The following STIM1 variants were observed in gnomAD, a reference collection of about 807,000 sequenced individuals.
The protein encoded by STIM1 is stromal interaction molecule 1.
Under a neutral mutation model 74.7 loss-of-function variants are expected in STIM1, and 25 were observed. That is an observed-to-expected ratio of 0.33 (90% CI 0.24 to 0.47). STIM1 has a LOEUF of 0.47. Ranked by LOEUF, STIM1 falls within the 20% of genes least tolerant of loss-of-function variation. The pLI is 1.00. For missense variants in STIM1, 728 were observed against 920.8 expected, an observed-to-expected ratio of 0.79 and a Z score of 2.71; for synonymous variants, 328 against 348.8, an observed-to-expected ratio of 0.94 and a Z score of 0.66.
intron 2 of STIM1, among the ~76,000 whole-genome samples, chr11:3,990,684 C>T (rs1350270111): frequency 6.6e-6 from 1 of 152,178 alleles, no homozygotes; most frequent in Non-Finnish European, 1.5e-5. Context: ...TTTTGATTTA[C>T]ATTTCTCTGA....
intron 2 of STIM1, among the ~76,000 whole-genome samples, chr11:4,008,441 T>C (rs993348229): frequency 6.6e-6 from 1 of 152,212 alleles, no homozygotes; most frequent in African/African-American, 2.4e-5. Flanking sequence ...GGCATATTTC[T>C]GGTCACAAAA....
At chr11:3,985,298 G>T (rs2093548052) in intron 2 of STIM1, among the ~76,000 whole-genome samples, 1 of 152,158 alleles carries the variant, frequency 6.6e-6, no homozygotes, top group South Asian at 2.1e-4. Context: ...TGTTTGTATA[G>T]ATGTCTATAT....
chr11:3,867,842 TGGCAGGCAGGCA>T lies in STIM1; in HGVS notation c.139+11450_139+11461del, dbSNP rs989812350. ...CCTAGGTAATGACCAGAAATCTCACTGGCAGGCAGGCAGGCAGGCAGGCAGGCAAGCAGGCAG... is the reference window on the plus strand; with the variant it reads ...CCTAGGTAATGACCAGAAATCTCACTGGCAGGCAGGCAGGCAAGCAGGCAG... On this transcript the variant is annotated intron_variant, in intron 1 of 12. Coordinates refer to ENST00000526596, the MANE Select transcript of STIM1 (RefSeq NM_001382567.1). 3.8e-5 allele frequency among the ~76,000 whole-genome samples: 5 copies of T among 130,872 alleles called. No individual in the cohort carries two copies. In the East Asian group the frequency reaches 6.3e-4, roughly 17 times the overall value. The allele number at this position is 130,872 out of a possible 152,430, so 85.9% of individuals were successfully genotyped here.
At chr11:3,988,952 C>CA (rs1389411288) in intron 2 of STIM1, among the ~76,000 whole-genome samples, 3 of 152,052 alleles carry the variant, frequency 2.0e-5, no homozygotes, top group Non-Finnish European at 4.4e-5. Flanking sequence ...CTGGTTGTAC[C>CA]AAAAAATAAA....
At chr11:4,065,231 A>G (rs1213548526) in intron 5 of STIM1, among the ~76,000 whole-genome samples, 2 of 152,162 alleles carry the variant, frequency 1.3e-5, no homozygotes, top group Non-Finnish European at 2.9e-5. Context: ...AGAAAAGACT[A>G]TGCCTCATCT....
chr11:3,957,196 A>C (rs985499078), intron 1 of STIM1, among the ~76,000 whole-genome samples: 1 of 152,220 alleles, frequency 6.6e-6, no homozygotes, highest in Non-Finnish European at 1.5e-5. Context: ...GTTGGAACTC[A>C]GAAGTATATC....
At chr11:4,041,587 C>T (rs2094147791) in intron 3 of STIM1, among the ~76,000 whole-genome samples, 1 of 151,694 alleles carries the variant, frequency 6.6e-6, no homozygotes. Flanking sequence ...ATCAAGACAC[C>T]TGGTTTCAAA....
intron 3 of STIM1, among the ~76,000 whole-genome samples, chr11:4,047,523 G>T (rs2094202717): frequency 6.6e-6 from 1 of 152,136 alleles, no homozygotes; most frequent in African/African-American, 2.4e-5. Flanking sequence ...GGCTGAGGCA[G>T]GAGAATTACA....
At chr11:3,904,766 T>A (rs944203375) in intron 1 of STIM1, among the ~76,000 whole-genome samples, 3 of 152,044 alleles carry the variant, frequency 2.0e-5, no homozygotes, top group African/African-American at 7.2e-5. Context: ...ACACATGGAA[T>A]ACAAGAGAGA....
Position 3,857,099 on chromosome 11 carries a change from TTTTTTTTTG to T in STIM1, c.139+699_139+707del, listed in dbSNP as rs1338988023. On this transcript the variant is annotated intron_variant, in intron 1 of 12. Transcript: ENST00000526596. The stretch of plus-strand genomic sequence containing the variant: ...GGGTGGGAATTCCATGCTACAGGTT[TTTTTTTTTG>T]TTTTTTTTTTTTTTTCCCTGAGTCT... 5.6e-4 allele frequency among the ~76,000 whole-genome samples: 61 copies of T among 109,874 alleles called. 1 individual carries two copies. The highest frequency in any genetic ancestry group is 2.0e-3 in the South Asian group (5 of 2,532). The allele number at this position is 109,874 out of a possible 152,430, so 72.1% of individuals were successfully genotyped here. A position where few individuals can be genotyped will look rare whatever the true frequency, so the allele number is the denominator to read the frequency against.
At chr11:3,869,752 A>T (rs2091008230) in intron 1 of STIM1, among the ~76,000 whole-genome samples, 1 of 152,184 alleles carries the variant, frequency 6.6e-6, no homozygotes, top group Admixed American at 6.5e-5. Context: ...TTGCTTTAGC[A>T]AGGTTAATCT....
intron 1 of STIM1, among the ~76,000 whole-genome samples, chr11:3,941,671 TATAGAG>T (rs58452253): frequency 0.2 from 15,465 of 75,748 alleles, 980 homozygotes; most frequent in East Asian, 0.3. Flanking sequence ...TATATATATA[TATAGAG>T]AGAGAGAGAG....
chr11:3,873,652 C>G (rs1053675986), intron 1 of STIM1, among the ~76,000 whole-genome samples: 2 of 152,062 alleles, frequency 1.3e-5, no homozygotes, highest in Non-Finnish European at 2.9e-5. Context: ...GGATTGCATT[C>G]TGGAGTGAGG....
intron 3 of STIM1, among the ~76,000 whole-genome samples, chr11:4,049,359 C>T (rs2094219689): frequency 6.9e-6 from 1 of 145,864 alleles, no homozygotes; most frequent in Admixed American, 7.0e-5. Context: ...GGCTCTCACT[C>T]TGTTGCCCAA....
intron 5 of STIM1, among the ~76,000 whole-genome samples, chr11:4,069,675 C>T (rs987585087): frequency 3.9e-5 from 6 of 152,180 alleles, no homozygotes; most frequent in African/African-American, 1.2e-4. Flanking sequence ...ATGACAGAAG[C>T]CACTACATCT....
intron 1 of STIM1, among the ~76,000 whole-genome samples, chr11:3,862,105 T>C (rs997266768): frequency 1.4e-4 from 21 of 152,108 alleles, no homozygotes; most frequent in African/African-American, 5.1e-4. Context: ...TTGTTACTGT[T>C]GATTAAAAAA....
intron 2 of STIM1, among the ~76,000 whole-genome samples, chr11:3,996,973 C>T (rs2093668542): frequency 6.6e-6 from 1 of 152,222 alleles, no homozygotes. Flanking sequence ...AATTAGTGAT[C>T]TATTTCTGTC....
At chr11:3,961,877 A>G (rs998788909) in intron 1 of STIM1, among the ~76,000 whole-genome samples, 1 of 152,148 alleles carries the variant, frequency 6.6e-6, no homozygotes, top group African/African-American at 2.4e-5. Flanking sequence ...ATAGGAGAAA[A>G]TTGTCCTTTG....
intron 12 of STIM1, chr11:4,089,084 A>G: frequency 3.5e-6 from 1 of 284,690 alleles, no homozygotes. Flanking sequence ...AAAAATCAAA[A>G]ATTTAGTTGG....
Sources: allele counts gnomAD v4.1 joint callset (sites outside exome capture counted in the v4.1 genomes callset), GRCh38; gene constraint gnomAD v4.1.1; transcripts MANE v1.5; gene names NCBI Gene and HGNC (gene_info 2026-07-23, HGNC 2026-07-21).